NBEA: variants seen among roughly 807,000 people sequenced by gnomAD.
NBEA encodes the protein lysosomal-trafficking regulator 2.
Under a neutral mutation model 343.4 loss-of-function variants are expected in NBEA, and 44 were observed. That is an observed-to-expected ratio of 0.13 (90% confidence interval 0.10 to 0.16). The LOEUF (loss-of-function observed/expected upper bound fraction) is 0.16. Among genes scored for constraint, NBEA ranks in the 10% least tolerant of loss-of-function variants. The probability of loss-of-function intolerance (pLI) is 1.00; values close to 1 mark genes in which losing one functional copy is unlikely to be tolerated. For synonymous variants in NBEA, 1,175 were observed against 1,238.7 expected, an observed-to-expected ratio of 0.95 and a Z score of 1.08; for missense variants, 2,555 against 3,631.3, an observed-to-expected ratio of 0.70 and a Z score of 7.62.
At chr13:35,472,805 A>G (rs541174033) in intron 41 of NBEA, among the ~76,000 whole-genome samples, 51 of 152,296 alleles carry the variant, frequency 3.3e-4, no homozygotes, top group African/African-American at 1.1e-3. Context: ...AGTTAAGCCA[A>G]TTGCTTCCAA....
chr13:35,579,664 A>T (rs551617938), intron 45 of NBEA, among the ~76,000 whole-genome samples: 5 of 152,272 alleles, frequency 3.3e-5, no homozygotes, highest in Admixed American at 6.5e-5. Context: ...TAAAAATTTT[A>T]AAAAATAAGC....
intron 1 of NBEA, among the ~76,000 whole-genome samples, chr13:34,956,736 C>A (rs1359463941): frequency 6.6e-6 from 1 of 152,116 alleles, no homozygotes; most frequent in African/African-American, 2.4e-5. Flanking sequence ...ATATTTTAAC[C>A]ATTTTAAAGT....
intron 38 of NBEA, among the ~76,000 whole-genome samples, chr13:35,373,707 A>AAATAATAATAATAATAATAATAACAAT (rs2041579406): frequency 6.7e-6 from 1 of 149,722 alleles, no homozygotes; most frequent in Non-Finnish European, 1.5e-5. Flanking sequence ...ACTGTCTCAA[A>AAATAATAATAATAATAATAATAACAAT]AATAATAATA....
At chr13:35,565,901 T>C (rs544081173) in intron 44 of NBEA, among the ~76,000 whole-genome samples, 1 of 152,256 alleles carries the variant, frequency 6.6e-6, no homozygotes, top group African/African-American at 2.4e-5. Context: ...TTTCATGAAC[T>C]TAAGGAGTGA....
intron 32 of NBEA, among the ~76,000 whole-genome samples, chr13:35,210,584 CATT>C (rs1364033864): frequency 6.6e-6 from 1 of 152,148 alleles, no homozygotes; most frequent in Admixed American, 6.5e-5. Context: ...TAATGTAACT[CATT>C]ATAGCCCTTC....
At chr13:35,536,646 T>TGATAGATAGATAGATAGATAGATA (rs79061692) in intron 41 of NBEA, among the ~76,000 whole-genome samples, 8 of 99,358 alleles carry the variant, frequency 8.1e-5, no homozygotes, top group African/African-American at 5.0e-4. Context: ...AATAGATAGA[T>TGATAGATAGATAGATAGATAGATA]GATAGATAGA....
intron 32 of NBEA, 24 bp downstream of exon 32, chr13:35,208,878 G>T: frequency 1.4e-6 from 2 of 1,454,230 alleles, no homozygotes; most frequent in Non-Finnish European, 9.2e-7. Context: ...ATATTTTTGT[G>T]ATACTCATCT....
chr13:35,605,560 A>G (rs2082249169), intron 47 of NBEA, among the ~76,000 whole-genome samples: 1 of 152,216 alleles, frequency 6.6e-6, no homozygotes, highest in Non-Finnish European at 1.5e-5. Flanking sequence ...TATTTGAAAA[A>G]AGATGATCAG....
intron 36 of NBEA, among the ~76,000 whole-genome samples, chr13:35,324,503 G>T (rs1262253836): frequency 6.6e-6 from 1 of 152,018 alleles, no homozygotes; most frequent in Non-Finnish European, 1.5e-5. Flanking sequence ...AATTACAAAG[G>T]TAATATAATA....
intron 38 of NBEA, among the ~76,000 whole-genome samples, chr13:35,400,582 C>T (rs2042958983): frequency 6.6e-6 from 1 of 151,940 alleles, no homozygotes; most frequent in Non-Finnish European, 1.5e-5. Context: ...CTCATATTAT[C>T]CAAGATGATA....
At chr13:35,414,597 A>G (rs1025689532) in intron 38 of NBEA, among the ~76,000 whole-genome samples, 4 of 152,258 alleles carry the variant, frequency 2.6e-5, no homozygotes, top group African/African-American at 7.2e-5. Context: ...TCCATGGTGT[A>G]TATGTGCCAC....
intron 41 of NBEA, chr13:35,474,761 G>T: frequency 3.3e-6 from 1 of 306,134 alleles, no homozygotes; most frequent in Non-Finnish European, 6.0e-6. Flanking sequence ...GTCTCGGTCT[G>T]GCGTTACAGC....
intron 8 of NBEA, among the ~76,000 whole-genome samples, chr13:35,059,878 A>G (rs543420797): frequency 9.9e-5 from 15 of 151,728 alleles, no homozygotes; most frequent in African/African-American, 3.6e-4. Flanking sequence ...TATTATTTTT[A>G]TGTCAAGGTA....
chr13:35,136,750 A>C (rs1172397335), intron 17 of NBEA, among the ~76,000 whole-genome samples: 1 of 152,224 alleles, frequency 6.6e-6, no homozygotes, highest in East Asian at 1.9e-4. Flanking sequence ...ATATCCTGCC[A>C]GATTGTTAAG....
chr13:35,586,521 C>T (rs938384185), intron 46 of NBEA, among the ~76,000 whole-genome samples: 2 of 152,152 alleles, frequency 1.3e-5, no homozygotes, highest in African/African-American at 4.8e-5. Context: ...AGACATAAAA[C>T]TATTTTTAGA....
rs1201362899 is a variant in NBEA, at chr13:34,983,439, T to C, written c.294+40325T>C. Among the ~76,000 whole-genome samples, 3 of 152,174 alleles carry C rather than the reference T, an allele frequency of 2.0e-5. No individual in the cohort carries two copies. The East Asian group carries it at 5.8e-4, about 29-fold the overall frequency. On this transcript the variant is annotated intron_variant, in intron 1 of 58. Transcript: ENST00000379939. ...AGTCTATCATTGATGGACATTTGGGTTGGTTCTAAGTCTTTGCTATTGTGA... is the reference window on the plus strand; with the variant it reads ...AGTCTATCATTGATGGACATTTGGGCTGGTTCTAAGTCTTTGCTATTGTGA...
At chr13:35,481,813 AT>A (rs1328834001) in intron 41 of NBEA, among the ~76,000 whole-genome samples, 1 of 151,846 alleles carries the variant, frequency 6.6e-6, no homozygotes, top group Non-Finnish European at 1.5e-5. Context: ...TGTATGTATG[AT>A]TTTACATACA....
At chr13:35,211,863 C>T (rs1289421678) in intron 33 of NBEA, among the ~76,000 whole-genome samples, 1 of 151,952 alleles carries the variant, frequency 6.6e-6, no homozygotes, top group African/African-American at 2.4e-5. Context: ...AACTAAGTAA[C>T]TTTCAAAATA....
At chr13:35,349,014 T>C (rs367554489) in intron 36 of NBEA, 94 bp from the exon 37 acceptor site, 15 of 444,792 alleles carry the variant, frequency 3.4e-5, no homozygotes, top group African/African-American at 2.2e-4. Context: ...CTAAAACTTA[T>C]GTATATTTGA....
Sources: allele counts gnomAD v4.1 joint callset (sites outside exome capture counted in the v4.1 genomes callset), GRCh38; gene constraint gnomAD v4.1.1; transcripts MANE v1.5; gene names NCBI Gene and HGNC (gene_info 2026-07-23, HGNC 2026-07-21).